FBXW7: variants seen among roughly 807,000 people sequenced by gnomAD.
FBXW7 encodes F-box and WD repeat domain containing 7.
In FBXW7, 11 loss-of-function variants were observed where a neutral mutation model predicts 86.3. The ratio of observed to expected loss-of-function variants is 0.13; its 90% confidence interval spans 0.08 to 0.21. FBXW7 has a LOEUF of 0.21. FBXW7 is among the 10% of genes least tolerant of loss of function. The pLI, the probability that FBXW7 is intolerant of heterozygous loss-of-function variation, is 1.00. For synonymous variants in FBXW7, 313 were observed against 297.9 expected (o/e 1.05, Z -0.52); for missense variants, 488 against 847.4 (o/e 0.58, Z 5.27).
intron 8 of FBXW7, among the ~76,000 whole-genome samples, chr4:152,332,063 T>C (rs1729612698): frequency 6.6e-6 from 1 of 151,974 alleles, no homozygotes; most frequent in African/African-American, 2.4e-5. Context: ...TTTTATATTT[T>C]TTCAAAAATA....
intron 4 of FBXW7, among the ~76,000 whole-genome samples, chr4:152,394,587 G>A (rs914986650): frequency 3.3e-5 from 5 of 152,146 alleles, no homozygotes; most frequent in African/African-American, 1.2e-4. Context: ...ACCCAAAAGA[G>A]CATCTTTGGA....
intron 4 of FBXW7, among the ~76,000 whole-genome samples, chr4:152,363,469 A>G (rs540714490): frequency 1.3e-5 from 2 of 152,344 alleles, no homozygotes; most frequent in South Asian, 4.1e-4. Context: ...CTTAATTTGT[A>G]TGACAATATA....
chr4:152,532,636 T>C (rs777909710), intron 2 of FBXW7, among the ~76,000 whole-genome samples: 2 of 152,238 alleles, frequency 1.3e-5, no homozygotes, highest in Non-Finnish European at 2.9e-5. Flanking sequence ...TTGGCTTCAA[T>C]ACTTCAATTA....
chr4:152,494,165 G>A (rs1290819398), intron 2 of FBXW7, among the ~76,000 whole-genome samples: 1 of 152,128 alleles, frequency 6.6e-6, no homozygotes, highest in African/African-American at 2.4e-5. Context: ...ATCATCAACA[G>A]CATAAGGTAC....
At chr4:152,390,656 TAAGTCCA>T in intron 4 of FBXW7, among the ~76,000 whole-genome samples, 1 of 152,176 alleles carries the variant, frequency 6.6e-6, no homozygotes, top group East Asian at 1.9e-4. Context: ...TGTCAGTACT[TAAGTCCA>T]TAAACAGTTT....
At chr4:152,331,248 T>C (rs1403313083) in intron 8 of FBXW7, among the ~76,000 whole-genome samples, 1 of 151,960 alleles carries the variant, frequency 6.6e-6, no homozygotes, top group Non-Finnish European at 1.5e-5. Context: ...CCAAAACAAT[T>C]AAAAGCAGAG....
At chr4:152,444,401 C>T (rs1003983308) in intron 2 of FBXW7, among the ~76,000 whole-genome samples, 5 of 151,742 alleles carry the variant, frequency 3.3e-5, no homozygotes, top group South Asian at 2.1e-4. Context: ...GATAATGGTA[C>T]GAACATCCTT....
At chr4:152,330,097 G>T (rs991915735) in intron 9 of FBXW7, among the ~76,000 whole-genome samples, 2 of 151,732 alleles carry the variant, frequency 1.3e-5, no homozygotes, top group African/African-American at 4.8e-5. Context: ...AGAAGAATAT[G>T]CCTCTAATTT....
chr4:152,431,976 T>C (rs2676336), intron 2 of FBXW7, among the ~76,000 whole-genome samples: 5,937 of 152,276 alleles, frequency 0.039, 383 homozygotes, highest in African/African-American at 0.13. Flanking sequence ...TGTGATTGTG[T>C]AGAGGCTCCC....
intron 2 of FBXW7, among the ~76,000 whole-genome samples, chr4:152,480,726 T>C (rs1744809966): frequency 6.6e-6 from 1 of 152,220 alleles, no homozygotes; most frequent in Non-Finnish European, 1.5e-5. Context: ...TTTGGTGTTC[T>C]GCACAGAAGA....
At chr4:152,507,565 A>G (rs1747541730) in intron 2 of FBXW7, among the ~76,000 whole-genome samples, 1 of 152,242 alleles carries the variant, frequency 6.6e-6, no homozygotes, top group African/African-American at 2.4e-5. Context: ...TAATGTGTCC[A>G]GATCATCTAA....
At chr4:152,452,159 T>C (rs1190519512) in intron 2 of FBXW7, among the ~76,000 whole-genome samples, 3 of 152,234 alleles carry the variant, frequency 2.0e-5, no homozygotes, top group Non-Finnish European at 1.5e-5. Context: ...TAATTAGCTG[T>C]TATTTTTAAA....
At chr4:152,334,709 C>T (rs960771239) in intron 7 of FBXW7, among the ~76,000 whole-genome samples, 1 of 152,056 alleles carries the variant, frequency 6.6e-6, no homozygotes, top group African/African-American at 2.4e-5. Flanking sequence ...ATCATCTAGT[C>T]CAGTGCATTA....
chr4:152,367,158 G>T (rs1157830567), intron 4 of FBXW7, among the ~76,000 whole-genome samples: 1 of 152,092 alleles, frequency 6.6e-6, no homozygotes, highest in East Asian at 1.9e-4. Context: ...GATAGCATTA[G>T]GAGAAATATC....
intron 5 of FBXW7, among the ~76,000 whole-genome samples, chr4:152,348,426 A>C (rs991241538): frequency 2.0e-5 from 3 of 152,092 alleles, no homozygotes; most frequent in Non-Finnish European, 4.4e-5. Context: ...ATCACAAAAT[A>C]CCAAATATAT....
intron 4 of FBXW7, among the ~76,000 whole-genome samples, chr4:152,397,695 C>CAAA (rs397995836): frequency 6.8e-4 from 41 of 60,370 alleles, no homozygotes; most frequent in South Asian, 1.3e-3. Flanking sequence ...CCTAAGAAGC[C>CAAA]AAAAAAAAAA....
At chr4:152,439,865 CAAAAA>C (rs35657415) in intron 2 of FBXW7, among the ~76,000 whole-genome samples, 1 of 57,156 alleles carries the variant, frequency 1.7e-5, no homozygotes, top group Non-Finnish European at 4.1e-5. Context: ...GACTCCGTCA[CAAAAA>C]AAAAAAAAAA....
At chr4:152,523,125 T>C (rs75348595) in intron 2 of FBXW7, among the ~76,000 whole-genome samples, 2,087 of 152,312 alleles carry the variant, frequency 0.014, 26 homozygotes, top group Middle Eastern at 0.037. Context: ...CTAGAGTGGT[T>C]CAAAGAAGAA....
intron 4 of FBXW7, chr4:152,352,998 A>G (rs1234507888): frequency 1.6e-6 from 2 of 1,254,070 alleles, no homozygotes; most frequent in Non-Finnish European, 2.0e-6. Context: ...TGGGCAGCAG[A>G]GACCGCCCCC....
Sources: gnomAD v4.1 joint callset for allele counts (sites outside exome capture counted in the v4.1 genomes callset) on GRCh38, gnomAD v4.1.1 for gene constraint, MANE v1.5 for transcripts, NCBI Gene and HGNC (gene_info 2026-07-23, HGNC 2026-07-21) for gene names.